Variants in TTLL7 observed in about 807,000 individuals in gnomAD.
TTLL7 encodes the protein tubulin polyglutamylase TTLL7.
Under a neutral mutation model 120.2 loss-of-function variants are expected in TTLL7, and 53 were observed. The ratio of observed to expected loss-of-function variants is 0.44; its 90% CI spans 0.35 to 0.55. The LOEUF (loss-of-function observed/expected upper bound fraction) is 0.55, where lower values mean the gene tolerates loss of function less well. Among genes scored for constraint, TTLL7 ranks in the 20% least tolerant of loss-of-function variants. The pLI is 0.00. For synonymous variants in TTLL7, 353 were observed against 351.7 expected (o/e 1.00, Z -0.04); for missense variants, 803 against 1,054.7 (o/e 0.76, Z 3.31).
At chr1:83,873,855 C>T (rs943498414) in intron 20 of TTLL7, among the ~76,000 whole-genome samples, 1 of 152,076 alleles carries the variant, frequency 6.6e-6, no homozygotes, top group African/African-American at 2.4e-5. Context: ...GGAGTTAAGA[C>T]CAGGACCCCT....
In TTLL7 at chr1:83,925,549, C is replaced by T. The variant is rs1398235414; in HGVS notation, c.1142+3587G>A. Among the ~76,000 whole-genome samples, 44 of 152,198 alleles carry T rather than the reference C, an allele frequency of 2.9e-4. 1 individual carries two copies. On this transcript the variant is annotated intron_variant, in intron 10 of 20. Transcript: ENST00000260505. ...GCCCAGGAGAAAGATAAGAAGTTTTCAGCCTTGGAGAGGAGATGGAGAAAT... is the reference window on the plus strand; with the variant it reads ...GCCCAGGAGAAAGATAAGAAGTTTTTAGCCTTGGAGAGGAGATGGAGAAAT...
At chr1:83,911,046 G>T in intron 15 of TTLL7, 119 bp downstream of exon 15, 1 of 767,750 alleles carries the variant, frequency 1.3e-6, no homozygotes, top group Non-Finnish European at 2.1e-6. Context: ...AAGTGGGATG[G>T]AATCCAGGTC....
At chr1:83,892,790 A>ATATGTGAACATATATATGAG (rs1571087252) in intron 18 of TTLL7, among the ~76,000 whole-genome samples, 23 of 87,050 alleles carry the variant, frequency 2.6e-4, no homozygotes, top group African/African-American at 1.0e-3. Flanking sequence ...ATATATATGA[A>ATATGTGAACATATATATGAG]CGCATATGTG....
chr1:83,986,049 C>T (rs943710055), intron 1 of TTLL7, among the ~76,000 whole-genome samples: 5 of 152,132 alleles, frequency 3.3e-5, no homozygotes, highest in Admixed American at 2.0e-4. Context: ...AAACACTTTC[C>T]AACTCATTTT....
intron 1 of TTLL7, among the ~76,000 whole-genome samples, chr1:83,968,107 C>G (rs1425364631): frequency 6.6e-6 from 1 of 152,000 alleles, no homozygotes; most frequent in Non-Finnish European, 1.5e-5. Context: ...TGGGAGGAGA[C>G]TGACTTAATT....
chr1:83,871,619 G>A (rs1249086969), intron 20 of TTLL7, among the ~76,000 whole-genome samples: 1 of 151,472 alleles, frequency 6.6e-6, no homozygotes, highest in African/African-American at 2.4e-5. Flanking sequence ...GGATAGGCCG[G>A]GCGCGGTGGC....
At position 83,866,545 on chromosome 1, in the gene TTLL7, T is replaced by C. The variant is rs1652928148; in HGVS notation, c.*3417A>G. ...TTTGGGTTTGGTTTGGTTTTAGTTT[T>C]AGGGAGAAAGAAATAGTTGAAACTG... On this transcript the variant is annotated 3_prime_UTR_variant, in exon 21 of 21. Transcript: ENST00000260505. The C allele has an allele frequency of 6.6e-6, 1 of 151,836 alleles. No individual in the cohort carries two copies. The highest frequency in any genetic ancestry group is 6.6e-5 in the Admixed American group (1 of 15,238). 9.4% of individuals were successfully genotyped at this position (151,836 alleles called of 1,614,324 possible).
At chr1:83,926,328 A>T (rs1434348211) in intron 10 of TTLL7, among the ~76,000 whole-genome samples, 1 of 151,992 alleles carries the variant, frequency 6.6e-6, no homozygotes, top group Non-Finnish European at 1.5e-5. Flanking sequence ...TTGCTCACTC[A>T]CTCACTACAT....
chr1:83,878,203 T>G (rs1028852233), intron 20 of TTLL7, among the ~76,000 whole-genome samples: 5 of 150,560 alleles, frequency 3.3e-5, no homozygotes, highest in Non-Finnish European at 7.4e-5. Context: ...TTGGGTTTGT[T>G]TTTTTTTTTA....
chr1:83,984,373 T>C (rs1652251490), intron 1 of TTLL7: 1 of 152,202 alleles, frequency 6.6e-6, no homozygotes, highest in Non-Finnish European at 1.5e-5. Context: ...TTTCTCAAAA[T>C]AACTTAAAAC....
rs544253529 is a variant in TTLL7, at chr1:83,984,921, CAAAAT to C, written c.-177+14005_-177+14009del. Among the ~76,000 whole-genome samples the C allele has an allele frequency of 2.0e-4, 30 of 151,540 alleles. No individual in the cohort carries two copies. The South Asian group carries it at 5.6e-3, about 29-fold the overall frequency. On this transcript the variant is annotated intron_variant, in intron 1 of 20. Transcript: ENST00000260505. ...AAACTGCATATGTACCCCTTGTATC[CAAAAT>C]AAAATAAAATAAAATAAAGTCTTCT...
At chr1:83,947,326 A>T (rs78459591) in intron 5 of TTLL7, 44 bp from the exon 6 acceptor site, 48,887 of 1,531,346 alleles carry the variant, frequency 0.032, 938 homozygotes, top group African/African-American at 0.069. Flanking sequence ...TATTCAAACT[A>T]GCATATATTT....
intron 3 of TTLL7, 123 bp from the exon 4 acceptor site, chr1:83,950,109 C>T: frequency 1.2e-6 from 1 of 864,394 alleles, no homozygotes; most frequent in South Asian, 1.9e-5. Flanking sequence ...TAGTTACAGC[C>T]TAACCTTATT....
chr1:83,878,221 A>G lies in TTLL7; in HGVS notation c.2543+4742T>C, dbSNP rs1475144211. Among the ~76,000 whole-genome samples the G allele has an allele frequency of 4.6e-5, 7 of 151,434 alleles. No individual in the cohort carries two copies. In the South Asian group the frequency reaches 1.5e-3, roughly 32 times the overall value. Reference sequence around the variant, plus strand: ...GGTTTGTTTTTTTTTTTATTCCACTATATGGTTGATTTTCTAAAATTTCCC... The same window carrying G: ...GGTTTGTTTTTTTTTTTATTCCACTGTATGGTTGATTTTCTAAAATTTCCC... On this transcript the variant is annotated intron_variant, in intron 20 of 20. Transcript: ENST00000260505.
intron 18 of TTLL7, among the ~76,000 whole-genome samples, chr1:83,892,331 TATATGAATATATATAC>T (rs1655597686): frequency 1.2e-5 from 1 of 86,612 alleles, no homozygotes; most frequent in Non-Finnish European, 2.8e-5. Flanking sequence ...TATATATGTA[TATATGAATATATATAC>T]GAATATATAT....
intron 1 of TTLL7, chr1:83,980,169 T>G (rs1231257212): frequency 6.6e-6 from 1 of 152,128 alleles, no homozygotes; most frequent in Non-Finnish European, 1.5e-5. Flanking sequence ...AAAAGAATAT[T>G]CTAGAGGAAA....
intron 1 of TTLL7, among the ~76,000 whole-genome samples, chr1:83,989,356 G>T (rs532665717): frequency 4.9e-4 from 75 of 152,238 alleles, no homozygotes; most frequent in African/African-American, 1.8e-3. Flanking sequence ...CACGGTGAGG[G>T]GTAGGTGTCC....
chr1:83,919,946 C>CA (rs993749075), intron 12 of TTLL7, 112 bp from the exon 13 acceptor site: 4 of 957,952 alleles, frequency 4.2e-6, no homozygotes, highest in Non-Finnish European at 6.2e-6. Flanking sequence ...AGTCACATTG[C>CA]CAGGTATAAG....
chr1:83,929,106 A>G (rs775564741), intron 10 of TTLL7, 30 bp downstream of exon 10: 4 of 1,460,208 alleles, frequency 2.7e-6, no homozygotes, highest in Non-Finnish European at 3.8e-6. Flanking sequence ...TGTGGAGATA[A>G]ATGTCCAAAA....
Sources: allele counts gnomAD v4.1 joint callset (sites outside exome capture counted in the v4.1 genomes callset), GRCh38; gene constraint gnomAD v4.1.1; transcripts MANE v1.5; gene names NCBI Gene and HGNC (gene_info 2026-07-23, HGNC 2026-07-21).